The following WDR11 variants were observed in gnomAD, a reference collection of about 807,000 sequenced individuals.
WDR11 encodes the protein WD repeat domain 11.
Under a neutral mutation model 151.2 loss-of-function variants are expected in WDR11, and 83 were observed. That is an observed-to-expected ratio of 0.55 (90% confidence interval 0.46 to 0.66). The LOEUF (loss-of-function observed/expected upper bound fraction) is 0.66, where lower values mean the gene tolerates loss of function less well. WDR11 is among the 30% of genes least tolerant of loss of function. The pLI is 0.00. For missense variants in WDR11, 1,301 were observed against 1,480.9 expected (o/e 0.88, Z 1.99); for synonymous variants, 484 against 533.1 (o/e 0.91, Z 1.27).
rs748458496 is a variant in WDR11, at chr10:120,865,741, C to A, written c.991C>A (p.Pro331Thr). ...CATTTTTACCACTTCAAATGAGGAA[C>A]CAGGTGAGTTTCTGTCTCACAATAA... ...NNIFTTSNEE[P>T]DPDPVQELTY... The change falls in exon 7 of 29, where the codon CCA (proline) becomes ACA (threonine). Residue 331 changes from proline to threonine, a missense_variant. Pro to Thr is a conservative substitution (Grantham distance 38). This residue lies in a region of WDR11 where 692 missense variants were observed against 762.5 expected (regional missense o/e 0.91). Coordinates refer to ENST00000263461, the MANE Select transcript of WDR11 (RefSeq NM_018117.12). The A allele has an allele frequency of 6.9e-6, 11 of 1,584,896 alleles. No homozygotes were observed. In the East Asian group the frequency reaches 2.2e-4, roughly 32 times the overall value.
At chr10:120,891,289 C>T (rs903197867) in intron 19 of WDR11, among the ~76,000 whole-genome samples, 9 of 152,128 alleles carry the variant, frequency 5.9e-5, no homozygotes, top group African/African-American at 2.2e-4. Context: ...TGAAAAGTCA[C>T]TTTAGAAAGT....
chr10:120,858,535 GT>G (rs1283512065), intron 2 of WDR11, 107 bp from the exon 3 acceptor site: 1 of 1,326,130 alleles, frequency 7.5e-7, no homozygotes, highest in East Asian at 2.4e-5. Context: ...CTTGCTAAAT[GT>G]TTATGTAATA....
At chr10:120,856,326 A>G (rs974621159) in intron 2 of WDR11, among the ~76,000 whole-genome samples, 1 of 152,124 alleles carries the variant, frequency 6.6e-6, no homozygotes, top group South Asian at 2.1e-4. Flanking sequence ...TGTAATCCCA[A>G]CACTCTGGGA....
rs767940007 is a variant in WDR11 at position 120,867,036 on chromosome 10, T to C, written c.1191-30T>C. 44 of 1,561,748 alleles carry C rather than the reference T, an allele frequency of 2.8e-5. 1 individual carries two copies. In the Middle Eastern group the frequency reaches 6.7e-4, roughly 24 times the overall value. Reference sequence around the variant, plus strand: ...ATACGTAATGCAGATTTTAAGTATGTAAAACCTTCTAATTATTATGTCTTT... The same window carrying C: ...ATACGTAATGCAGATTTTAAGTATGCAAAACCTTCTAATTATTATGTCTTT... On this transcript the variant is annotated intron_variant, in intron 8 of 28. Coordinates refer to ENST00000263461, the MANE Select transcript of WDR11 (RefSeq NM_018117.12).
At chr10:120,854,611 A>T (rs1043871846) in intron 2 of WDR11, among the ~76,000 whole-genome samples, 5 of 152,160 alleles carry the variant, frequency 3.3e-5, no homozygotes, top group Non-Finnish European at 7.3e-5. Flanking sequence ...CATTCTCATT[A>T]GTAGTGTATG....
chr10:120,855,440 A>G lies in WDR11; in HGVS notation c.198+2805A>G, dbSNP rs1194303584. The stretch of plus-strand genomic sequence containing the variant: ...CATGATTTGCAAATATTTTCTCTCA[A>G]TTTGTGGGTTGTCTTTTTACTTTCT... On this transcript the variant is annotated intron_variant, in intron 2 of 28. Coordinates refer to ENST00000263461, the MANE Select transcript of WDR11 (RefSeq NM_018117.12). 8.0e-5 allele frequency among the ~76,000 whole-genome samples: 12 copies of G among 150,882 alleles called. No individual in the cohort carries two copies. In the East Asian group the frequency reaches 2.3e-3, roughly 29 times the overall value.
chr10:120,861,368 G>A (rs149823202), intron 4 of WDR11, among the ~76,000 whole-genome samples: 2 of 152,274 alleles, frequency 1.3e-5, no homozygotes, highest in African/African-American at 4.8e-5. Context: ...GTATATGGAC[G>A]TGTGCATACA....
intron 19 of WDR11, among the ~76,000 whole-genome samples, chr10:120,897,131 A>C (rs12355611): frequency 0.013 from 1,991 of 152,248 alleles, 17 homozygotes; most frequent in Non-Finnish European, 0.018. Flanking sequence ...CATCACGAAA[A>C]CTAATGGTGG....
chr10:120,880,753 A>T (rs1251101954), intron 12 of WDR11, 73 bp from the exon 13 acceptor site: 14 of 1,292,018 alleles, frequency 1.1e-5, no homozygotes, highest in African/African-American at 1.5e-5. Context: ...ATCAAATTAC[A>T]TTGGCGTGGC....
intron 19 of WDR11, among the ~76,000 whole-genome samples, chr10:120,892,558 T>G (rs1459407459): frequency 1.3e-5 from 2 of 152,216 alleles, no homozygotes; most frequent in Non-Finnish European, 2.9e-5. Flanking sequence ...GGTAGTATAT[T>G]TCTATTCTGA....
At chr10:120,855,661 A>T (rs1208687959) in intron 2 of WDR11, among the ~76,000 whole-genome samples, 1 of 151,850 alleles carries the variant, frequency 6.6e-6, no homozygotes, top group African/African-American at 2.4e-5. Context: ...GTTAATTTTT[A>T]TATATGATGT....
At chr10:120,908,519 G>A in intron 28 of WDR11, 37 bp from the exon 29 acceptor site, 1 of 1,611,192 alleles carries the variant, frequency 6.2e-7, no homozygotes, top group Non-Finnish European at 8.5e-7. Context: ...TCTCATCACA[G>A]CCCTTTTTAC....
In WDR11 at chr10:120,890,767, T is replaced by C. The variant is rs1354937006; in HGVS notation, c.2395T>C (p.Leu799=). 14 of 1,614,042 alleles carry C rather than the reference T, an allele frequency of 8.7e-6. No individual in the cohort carries two copies. Among genetic ancestry groups the C allele is most frequent in the African/African-American group, 1.3e-5 (1 of 74,912 alleles). The change falls in exon 19 of 29, where the codon TTG becomes CTG. Residue 799 remains leucine (L), a synonymous_variant. Coordinates refer to ENST00000263461, the MANE Select transcript of WDR11 (RefSeq NM_018117.12). ...RSGRNVTFRI[L]DVDWCTSDKV... ...TGGCAGAAATGTGACCTTTCGTATA[T>C]TGGATGTGGACTGGTGTACGTCAGA...
chr10:120,867,868 A>T (rs755932651), intron 9 of WDR11, among the ~76,000 whole-genome samples: 6 of 152,184 alleles, frequency 3.9e-5, no homozygotes, highest in Non-Finnish European at 5.9e-5. Flanking sequence ...TATGTTGGGG[A>T]TTCTTTCAAA....
At chr10:120,902,872 T>C (rs530569592) in intron 22 of WDR11, among the ~76,000 whole-genome samples, 183 bp from the exon 23 acceptor site, 2 of 152,200 alleles carry the variant, frequency 1.3e-5, no homozygotes, top group Admixed American at 6.5e-5. Context: ...GGCCCCCGTA[T>C]TGTTGAAGGC....
In WDR11 at chr10:120,867,141, C is replaced by T. The variant is rs561143455; in HGVS notation, c.1266C>T (p.Leu422=). The T allele has an allele frequency of 2.5e-6, 4 of 1,613,700 alleles. No individual in the cohort carries two copies. The highest frequency in any genetic ancestry group is 2.2e-5 in the East Asian group (1 of 44,806). The change falls in exon 9 of 29, where the codon CTC becomes CTT. Residue 422 remains leucine (L), a synonymous_variant. Coordinates refer to ENST00000263461, the MANE Select transcript of WDR11 (RefSeq NM_018117.12). The part of the protein sequence containing the change: ...GIPVGVLQNK[L]PDLSLDNMIG... Reference sequence around the variant, plus strand: ...CTGTAGGAGTGCTACAGAATAAACTCCCAGACCTTTCCTTAGATAACATGA... The same window carrying T: ...CTGTAGGAGTGCTACAGAATAAACTTCCAGACCTTTCCTTAGATAACATGA...
chr10:120,900,285 C>A, intron 20 of WDR11, 148 bp downstream of exon 20: 1 of 759,326 alleles, frequency 1.3e-6, no homozygotes, highest in Non-Finnish European at 2.2e-6. Flanking sequence ...AATTGCCAGG[C>A]TGCCTCTGGG....
In WDR11 at chr10:120,904,204, G is replaced by A. The variant is rs140435761; in HGVS notation, c.3027+62G>A. 249 of 1,251,684 alleles carry A rather than the reference G, an allele frequency of 2.0e-4. No homozygotes were observed. In the African/African-American group the frequency reaches 3.1e-3, roughly 15 times the overall value. The allele number at this position is 1,251,684 out of a possible 1,614,324, so 77.5% of individuals were successfully genotyped here. A position where few individuals can be genotyped will look rare whatever the true frequency, so the allele number is the denominator to read the frequency against. On this transcript the variant is annotated intron_variant, in intron 24 of 28. Coordinates refer to ENST00000263461, the MANE Select transcript of WDR11 (RefSeq NM_018117.12). ...ATTGCTAGTTAATTCGTATTTCAGA[G>A]CAATATATCTGTATGTATATATTTC...
At chr10:120,871,376 T>TA in intron 10 of WDR11, 30 bp downstream of exon 10, 2 of 1,585,464 alleles carry the variant, frequency 1.3e-6, no homozygotes, top group Non-Finnish European at 8.7e-7. Flanking sequence ...TTTTTTTTTT[T>TA]AACTCACTTT....
Sources: allele counts gnomAD v4.1 joint callset (sites outside exome capture counted in the v4.1 genomes callset), GRCh38; gene constraint gnomAD v4.1.1; regional missense constraint gnomAD v4.1.1; transcripts MANE v1.5; gene names NCBI Gene and HGNC (gene_info 2026-07-23, HGNC 2026-07-21).